Variants in C1orf21 observed in about 807,000 individuals in gnomAD.
The protein encoded by C1orf21 is uncharacterized protein C1orf21.
A neutral mutation model predicts 18.7 loss-of-function variants in C1orf21; 3 were observed. The ratio of observed to expected loss-of-function variants is 0.16; its 90% CI spans 0.07 to 0.42. The LOEUF is 0.42. Ranked by LOEUF, C1orf21 falls within the 10% of genes least tolerant of loss-of-function variation. The probability of loss-of-function intolerance (pLI) is 0.99; values close to 1 mark genes in which losing one functional copy is unlikely to be tolerated. For synonymous variants in C1orf21, 41 were observed against 46.4 expected, an observed-to-expected ratio of 0.88 and a Z score of 0.47; for missense variants, 104 against 143.6, an observed-to-expected ratio of 0.72 and a Z score of 1.41.
At chr1:184,593,566 A>G (rs1294983080) in intron 4 of C1orf21, among the ~76,000 whole-genome samples, 2 of 152,196 alleles carry the variant, frequency 1.3e-5, no homozygotes, top group Non-Finnish European at 2.9e-5. Flanking sequence ...CTTTAGTTTG[A>G]TATCAGGCAA....
intron 3 of C1orf21, among the ~76,000 whole-genome samples, chr1:184,520,949 A>G (rs560513619): frequency 8.4e-4 from 128 of 152,284 alleles, no homozygotes; most frequent in Middle Eastern, 3.4e-3. Context: ...GCTGGAGGGC[A>G]ATGGCACGAT....
At chr1:184,476,877 C>G (rs1657579780) in intron 1 of C1orf21, among the ~76,000 whole-genome samples, 1 of 151,996 alleles carries the variant, frequency 6.6e-6, no homozygotes, top group Non-Finnish European at 1.5e-5. Flanking sequence ...ATAAAGTAGC[C>G]CATGTACCAG....
rs199952514 is a variant in C1orf21 at position 184,581,612 on chromosome 1, CCTTAA to C, written c.190-9122_190-9118del. 7.6e-3 allele frequency among the ~76,000 whole-genome samples: 1,154 copies of C among 151,544 alleles called. 6 individuals are homozygous for C. The highest frequency in any genetic ancestry group is 0.021 in the Middle Eastern group (6 of 292). On this transcript the variant is annotated intron_variant, in intron 3 of 5. Transcript: ENST00000235307. ...GAGATATATTATCTTTTTAAAACAG[CCTTAA>C]CTTATAATTCCCAGTGGAATTTATA...
intron 2 of C1orf21, among the ~76,000 whole-genome samples, chr1:184,492,349 A>G (rs1389563355): frequency 6.6e-6 from 1 of 152,128 alleles, no homozygotes; most frequent in Non-Finnish European, 1.5e-5. Flanking sequence ...TAATGTTCAA[A>G]GGTTCTATTT....
chr1:184,557,399 CA>C (rs1658894705), intron 3 of C1orf21, among the ~76,000 whole-genome samples: 1 of 152,094 alleles, frequency 6.6e-6, no homozygotes, highest in African/African-American at 2.4e-5. Flanking sequence ...TTCCTCGCCC[CA>C]CTCCCACCCT....
chr1:184,425,536 A>G (rs145894869), intron 1 of C1orf21, among the ~76,000 whole-genome samples: 49 of 152,172 alleles, frequency 3.2e-4, no homozygotes, highest in Non-Finnish European at 5.0e-4. Context: ...TGTTGGGATT[A>G]CAGGCATGAG....
At chr1:184,496,497 C>T (rs1657896682) in intron 2 of C1orf21, among the ~76,000 whole-genome samples, 1 of 152,242 alleles carries the variant, frequency 6.6e-6, no homozygotes, top group South Asian at 2.1e-4. Flanking sequence ...GTCACATTCA[C>T]CCACTGGCTT....
chr1:184,548,708 AT>A (rs1327141905), intron 3 of C1orf21, among the ~76,000 whole-genome samples: 1 of 152,156 alleles, frequency 6.6e-6, no homozygotes, highest in Non-Finnish European at 1.5e-5. Flanking sequence ...ATTTGGACAA[AT>A]TTGCAGGGTA....
intron 4 of C1orf21, among the ~76,000 whole-genome samples, chr1:184,591,851 G>C (rs1040019953): frequency 6.6e-5 from 10 of 151,984 alleles, no homozygotes; most frequent in African/African-American, 2.4e-4. Context: ...CTAAACTGTG[G>C]CATCTAAACT....
At chr1:184,482,829 CA>C (rs1657677382) in intron 2 of C1orf21, among the ~76,000 whole-genome samples, 1 of 152,254 alleles carries the variant, frequency 6.6e-6, no homozygotes, top group Non-Finnish European at 1.5e-5. Context: ...TGTGTTTATA[CA>C]AATGGTAATT....
intron 1 of C1orf21, among the ~76,000 whole-genome samples, chr1:184,464,750 GA>G (rs990106168): frequency 2.6e-5 from 4 of 152,178 alleles, no homozygotes; most frequent in African/African-American, 9.7e-5. Flanking sequence ...GGAGAAGTAG[GA>G]CTATGAGCAG....
At position 184,471,190 on chromosome 1, in the gene C1orf21, C is replaced by G. The variant is rs546707469; in HGVS notation, c.-124-6196C>G. ...GCACCAACTTTTTCTAACCAGCTCC[C>G]TATAAGAAATACTGTTAAAATTAAT... is the stretch of plus-strand genomic sequence containing the variant. On this transcript the variant is annotated intron_variant, in intron 1 of 5. Coordinates refer to ENST00000235307, the MANE Select transcript of C1orf21 (RefSeq NM_030806.4). 6.4e-4 allele frequency among the ~76,000 whole-genome samples: 97 copies of G among 152,186 alleles called. 1 individual carries two copies. The Middle Eastern group carries it at 0.014, about 21-fold the overall frequency.
chr1:184,425,981 A>G (rs567195479), intron 1 of C1orf21, among the ~76,000 whole-genome samples: 3 of 152,330 alleles, frequency 2.0e-5, no homozygotes, highest in African/African-American at 7.2e-5. Flanking sequence ...TAGTGATTCA[A>G]TTGGGTCTTT....
chr1:184,394,791 C>T (rs1490341197), intron 1 of C1orf21, among the ~76,000 whole-genome samples: 2 of 152,140 alleles, frequency 1.3e-5, no homozygotes, highest in Non-Finnish European at 2.9e-5. Context: ...AAGGAATAAG[C>T]AACATATATC....
intron 1 of C1orf21, among the ~76,000 whole-genome samples, chr1:184,393,147 C>T (rs1013444513): frequency 6.6e-6 from 1 of 152,152 alleles, no homozygotes; most frequent in Non-Finnish European, 1.5e-5. Flanking sequence ...TATCCCACAC[C>T]TTACTTTTGC....
intron 2 of C1orf21, among the ~76,000 whole-genome samples, chr1:184,484,958 C>T (rs1300984721): frequency 6.6e-6 from 1 of 151,316 alleles, no homozygotes; most frequent in Non-Finnish European, 1.5e-5. Flanking sequence ...ATCTAAAATG[C>T]TGTGAGACCT....
chr1:184,483,509 T>C (rs1333122851), intron 2 of C1orf21, among the ~76,000 whole-genome samples: 2 of 152,146 alleles, frequency 1.3e-5, no homozygotes, highest in Non-Finnish European at 2.9e-5. Context: ...TTTTTCTGTT[T>C]CCAGTGTTTC....
chr1:184,565,168 G>C (rs769044401), intron 3 of C1orf21, among the ~76,000 whole-genome samples: 9 of 152,176 alleles, frequency 5.9e-5, no homozygotes, highest in Non-Finnish European at 1.0e-4. Context: ...TTTCAGAAGT[G>C]TGTGCACACA....
intron 2 of C1orf21, among the ~76,000 whole-genome samples, chr1:184,496,035 G>A (rs182665675): frequency 4.5e-4 from 68 of 152,156 alleles, no homozygotes; most frequent in African/African-American, 1.6e-3. Context: ...AGATTGTGTG[G>A]TGAAGAGAAG....
Sources: allele counts gnomAD v4.1 joint callset (sites outside exome capture counted in the v4.1 genomes callset), GRCh38; gene constraint gnomAD v4.1.1; transcripts MANE v1.5; gene names NCBI Gene and HGNC (gene_info 2026-07-23, HGNC 2026-07-21).